Variants in HERC3 observed in about 807,000 individuals in gnomAD.
The protein encoded by HERC3 is probable E3 ubiquitin-protein ligase HERC3.
A neutral mutation model predicts 129.9 loss-of-function variants in HERC3; 58 were observed. The ratio of observed to expected loss-of-function variants is 0.45; its 90% CI spans 0.36 to 0.56. HERC3 has a LOEUF of 0.56. Ranked by LOEUF, HERC3 falls within the 20% of genes least tolerant of loss-of-function variation. The probability of loss-of-function intolerance (pLI) is 0.00; values close to 1 mark genes in which losing one functional copy is unlikely to be tolerated. For synonymous variants in HERC3, 430 were observed against 451.0 expected, an observed-to-expected ratio of 0.95 and a Z score of 0.59; for missense variants, 835 against 1,244.2, an observed-to-expected ratio of 0.67 and a Z score of 4.95.
chr4:88,536,168 C>A, the HERC3 span, among the ~76,000 whole-genome samples: 10 of 152,326 alleles, frequency 6.6e-5, no homozygotes, highest in African/African-American at 2.4e-4. Context: ...AGACTGTCTC[C>A]AGCATATTCT....
intron 3 of HERC3, among the ~76,000 whole-genome samples, chr4:88,608,073 T>G (rs1723871682): frequency 6.6e-6 from 1 of 152,220 alleles, no homozygotes; most frequent in African/African-American, 2.4e-5. Flanking sequence ...CGAATTAAAT[T>G]TTTTCTGTGA....
the HERC3 span, among the ~76,000 whole-genome samples, chr4:88,528,425 T>A: frequency 1.3e-5 from 2 of 152,068 alleles, no homozygotes. Context: ...TACTTGGACA[T>A]TTTTTTAGAC....
chr4:88,626,467 T>C (rs1185643389), intron 3 of HERC3, among the ~76,000 whole-genome samples: 1 of 152,156 alleles, frequency 6.6e-6, no homozygotes, highest in East Asian at 1.9e-4. Flanking sequence ...TTTATTTTAC[T>C]TTATTATTTG....
chr4:88,690,494 A>G (rs1733964597), intron 23 of HERC3: 2 of 985,308 alleles, frequency 2.0e-6, no homozygotes, highest in Non-Finnish European at 2.4e-6. Flanking sequence ...ATCATTTGTT[A>G]GAAGCTAACA....
chr4:88,539,360 G>A, the HERC3 span, among the ~76,000 whole-genome samples: 4 of 152,106 alleles, frequency 2.6e-5, no homozygotes, highest in Non-Finnish European at 4.4e-5. Flanking sequence ...CTGCAGCCTC[G>A]GGGGGAGAGG....
chr4:88,625,784 G>A (rs1161899594), intron 3 of HERC3, among the ~76,000 whole-genome samples: 1 of 151,940 alleles, frequency 6.6e-6, no homozygotes, highest in Non-Finnish European at 1.5e-5. Flanking sequence ...TTAACAGTAG[G>A]GTTTTCATGG....
At chr4:88,541,768 A>C in the HERC3 span, among the ~76,000 whole-genome samples, 3 of 152,248 alleles carry the variant, frequency 2.0e-5, no homozygotes, top group Admixed American at 6.5e-5. Context: ...AGTGAAATCA[A>C]ATTAGAACTC....
chr4:88,684,996 C>T (rs1250837952), intron 21 of HERC3: 2 of 152,238 alleles, frequency 1.3e-5, no homozygotes, highest in Non-Finnish European at 2.9e-5. Context: ...ATGAAAAAAG[C>T]TCATCATCAC....
intron 3 of HERC3, among the ~76,000 whole-genome samples, chr4:88,643,565 CA>C: frequency 6.6e-6 from 1 of 152,198 alleles, no homozygotes; most frequent in African/African-American, 2.4e-5. Context: ...GAATAAAGCC[CA>C]GAAATATATC....
At chr4:88,685,168 T>C (rs1733281862) in intron 21 of HERC3, among the ~76,000 whole-genome samples, 1 of 152,216 alleles carries the variant, frequency 6.6e-6, no homozygotes, top group South Asian at 2.1e-4. Context: ...AGTTCAACCA[T>C]TGTGGAAGAC....
intron 3 of HERC3, among the ~76,000 whole-genome samples, chr4:88,648,334 T>C (rs1198741135): frequency 6.6e-6 from 1 of 152,206 alleles, no homozygotes; most frequent in Non-Finnish European, 1.5e-5. Flanking sequence ...GAGTTCTTTG[T>C]TTTGGAGGCA....
At chr4:88,656,190 A>T in intron 9 of HERC3, 155 bp downstream of exon 9, 1 of 689,282 alleles carries the variant, frequency 1.5e-6, no homozygotes, top group Admixed American at 2.9e-5. Context: ...CTTACTATGC[A>T]TGAAGCTGTA....
upstream of HERC3, among the ~76,000 whole-genome samples, chr4:88,589,673 T>C (rs2149158223): frequency 6.6e-6 from 1 of 152,328 alleles, no homozygotes; most frequent in East Asian, 1.9e-4. Context: ...TCAAAACAGT[T>C]TACGTATCTG....
At chr4:88,661,544 G>A (rs533044852) in intron 10 of HERC3, among the ~76,000 whole-genome samples, 5 of 152,294 alleles carry the variant, frequency 3.3e-5, no homozygotes, top group African/African-American at 4.8e-5. Context: ...CACTGGAGAC[G>A]AGAATAGGAG....
chr4:88,567,352 A>C, the HERC3 span, among the ~76,000 whole-genome samples: 1 of 152,068 alleles, frequency 6.6e-6, no homozygotes, highest in African/African-American at 2.4e-5. Context: ...GTTCTCCGTT[A>C]TTAGCCCTTT....
At chr4:88,572,025 C>T in the HERC3 span, among the ~76,000 whole-genome samples, 4 of 152,112 alleles carry the variant, frequency 2.6e-5, no homozygotes, top group African/African-American at 7.2e-5. Context: ...TGACTGATGT[C>T]TTTATAAGAT....
intron 3 of HERC3, among the ~76,000 whole-genome samples, chr4:88,607,899 A>C (rs1345060691): frequency 6.6e-6 from 1 of 152,180 alleles, no homozygotes; most frequent in Non-Finnish European, 1.5e-5. Context: ...TAGGGTCTTA[A>C]ATTGTGACCA....
At chr4:88,578,804 G>A in the HERC3 span, among the ~76,000 whole-genome samples, 29 of 152,216 alleles carry the variant, frequency 1.9e-4, no homozygotes, top group East Asian at 5.6e-3. Context: ...AGAGGCATGG[G>A]AAACGGAAAT....
At chr4:88,645,947 A>G (rs184780806) in intron 3 of HERC3, among the ~76,000 whole-genome samples, 1 of 152,316 alleles carries the variant, frequency 6.6e-6, no homozygotes, top group Admixed American at 6.5e-5. Context: ...GGAAAAAGTT[A>G]GTTTTCCATT....
Sources: allele counts gnomAD v4.1 joint callset (sites outside exome capture counted in the v4.1 genomes callset), GRCh38; gene constraint gnomAD v4.1.1; transcripts MANE v1.5; gene names NCBI Gene and HGNC (gene_info 2026-07-23, HGNC 2026-07-21).